Variants in SAMD4A observed in about 807,000 individuals in gnomAD.
The protein encoded by SAMD4A is protein Smaug homolog 1.
A neutral mutation model predicts 81.3 loss-of-function variants in SAMD4A; 33 were observed. That is an observed-to-expected ratio of 0.41 (90% CI 0.31 to 0.54). The LOEUF is 0.54. Ranked by LOEUF, SAMD4A falls within the 20% of genes least tolerant of loss-of-function variation. The pLI, the probability that SAMD4A is intolerant of heterozygous loss-of-function variation, is 0.37. For synonymous variants in SAMD4A, 389 were observed against 382.1 expected, an observed-to-expected ratio of 1.02 and a Z score of -0.21; for missense variants, 854 against 951.1, an observed-to-expected ratio of 0.90 and a Z score of 1.34.
In SAMD4A at chr14:54,572,038, T is replaced by C. The variant is rs1289839074; in HGVS notation, c.196+3926T>C. On this transcript the variant is annotated intron_variant, in intron 2 of 12. Coordinates refer to ENST00000554335, the MANE Select transcript of SAMD4A (RefSeq NM_015589.6). ...TATGGATAAGATCTTGTTTGTAGTT[T>C]TTTCATTCATTTATTCATTCCACAA... is the stretch of plus-strand genomic sequence containing the variant. 5.3e-5 allele frequency among the ~76,000 whole-genome samples: 8 copies of C among 152,242 alleles called. No individual in the cohort carries two copies. The South Asian group carries it at 1.7e-3, about 31-fold the overall frequency.
chr14:54,674,501 G>A (rs2035948842), intron 2 of SAMD4A, among the ~76,000 whole-genome samples: 1 of 152,138 alleles, frequency 6.6e-6, no homozygotes, highest in South Asian at 2.1e-4. Context: ...GGTTTCTACT[G>A]GTGTAGAAAC....
At chr14:54,720,834 C>T (rs563358494) in intron 3 of SAMD4A, among the ~76,000 whole-genome samples, 1 of 152,274 alleles carries the variant, frequency 6.6e-6, no homozygotes, top group Admixed American at 6.5e-5. Context: ...GGTACCTGCT[C>T]TCCAAGTCCT....
At chr14:54,679,221 C>T (rs2036072864) in intron 2 of SAMD4A, among the ~76,000 whole-genome samples, 1 of 151,982 alleles carries the variant, frequency 6.6e-6, no homozygotes, top group Non-Finnish European at 1.5e-5. Flanking sequence ...TGCATTGGAC[C>T]AGGAATATTC....
intron 2 of SAMD4A, among the ~76,000 whole-genome samples, chr14:54,638,157 A>G (rs1594760467): frequency 2.0e-5 from 3 of 152,228 alleles, no homozygotes; most frequent in Non-Finnish European, 1.5e-5. Flanking sequence ...GGGCAAAAGA[A>G]AAGTCTTGTC....
chr14:54,784,773 G>A (rs1173732107), intron 12 of SAMD4A, among the ~76,000 whole-genome samples, 153 bp downstream of exon 12: 3 of 152,140 alleles, frequency 2.0e-5, no homozygotes, highest in Admixed American at 2.0e-4. Context: ...GTGGCCTTAG[G>A]GTACTGTTGG....
intron 10 of SAMD4A, among the ~76,000 whole-genome samples, chr14:54,775,517 C>T (rs1466687556): frequency 1.3e-5 from 2 of 152,212 alleles, no homozygotes; most frequent in Non-Finnish European, 2.9e-5. Flanking sequence ...TCCTTTGTCT[C>T]AGTCCCAGCT....
intron 2 of SAMD4A, among the ~76,000 whole-genome samples, chr14:54,619,488 A>G (rs2140296494): frequency 6.6e-6 from 1 of 152,332 alleles, no homozygotes; most frequent in Non-Finnish European, 1.5e-5. Context: ...CATGTTAAGA[A>G]ATTGGGGAGG....
intron 2 of SAMD4A, among the ~76,000 whole-genome samples, chr14:54,614,980 C>A (rs1281392080): frequency 6.6e-6 from 1 of 152,090 alleles, no homozygotes; most frequent in Non-Finnish European, 1.5e-5. Context: ...GTAGTATGCC[C>A]AGTGTGTGTT....
In SAMD4A at chr14:54,678,596, C is replaced by T. The variant is rs184565568; in HGVS notation, c.197-23466C>T. ...CGGAGTCTCGCTCTTTCGCCCAGGCCGGAGTGCAGCGGCGCGATCACGGCT... is the reference window on the plus strand; with the variant it reads ...CGGAGTCTCGCTCTTTCGCCCAGGCTGGAGTGCAGCGGCGCGATCACGGCT... On this transcript the variant is annotated intron_variant, in intron 2 of 12. Transcript: ENST00000554335. 2.9e-3 allele frequency among the ~76,000 whole-genome samples: 442 copies of T among 150,408 alleles called. 6 individuals carry two copies. In the East Asian group the frequency reaches 0.044, roughly 15 times the overall value.
chr14:54,673,573 C>T (rs922220568), intron 2 of SAMD4A, among the ~76,000 whole-genome samples: 1 of 152,226 alleles, frequency 6.6e-6, no homozygotes, highest in Admixed American at 6.5e-5. Context: ...AGAAGGAACA[C>T]TCTGGAAGTC....
intron 9 of SAMD4A, among the ~76,000 whole-genome samples, chr14:54,772,711 G>A (rs1015789637): frequency 5.9e-5 from 9 of 151,950 alleles, no homozygotes; most frequent in Non-Finnish European, 1.2e-4. Context: ...GTGAGAAAAC[G>A]CTATCCACGC....
intron 2 of SAMD4A, among the ~76,000 whole-genome samples, chr14:54,600,041 A>G (rs980586998): frequency 3.9e-5 from 6 of 152,192 alleles, no homozygotes; most frequent in African/African-American, 1.2e-4. Context: ...GTACCACATC[A>G]TTTCCTACTG....
intron 9 of SAMD4A, 63 bp downstream of exon 9, chr14:54,770,285 C>A: frequency 1.8e-6 from 2 of 1,135,256 alleles, no homozygotes; most frequent in South Asian, 1.3e-5. Flanking sequence ...TTGCCTACCT[C>A]GGTTCCTGGG....
At chr14:54,653,141 C>G (rs1380984198) in intron 2 of SAMD4A, among the ~76,000 whole-genome samples, 1 of 151,792 alleles carries the variant, frequency 6.6e-6, no homozygotes, top group Non-Finnish European at 1.5e-5. Flanking sequence ...ACCTTCTCTT[C>G]CTTGCTGTCA....
chr14:54,780,367 G>A (rs1311719113), intron 11 of SAMD4A, among the ~76,000 whole-genome samples: 4 of 152,152 alleles, frequency 2.6e-5, no homozygotes, highest in African/African-American at 4.8e-5. Context: ...CCATAAGCAC[G>A]CTGCATATAT....
chr14:54,787,983 A>G (rs2039183017), intron 12 of SAMD4A, among the ~76,000 whole-genome samples: 1 of 152,134 alleles, frequency 6.6e-6, no homozygotes, highest in Admixed American at 6.5e-5. Context: ...GGGGCCGGGC[A>G]GGCCTCACAC....
chr14:54,685,278 C>CCG (rs1555343091), intron 2 of SAMD4A, among the ~76,000 whole-genome samples: 1 of 147,354 alleles, frequency 6.8e-6, no homozygotes, highest in African/African-American at 2.5e-5. Flanking sequence ...CTTCCTGCCC[C>CCG]CCCCCCCAGC....
chr14:54,752,798 G>A (rs1473585201), intron 6 of SAMD4A, among the ~76,000 whole-genome samples: 2 of 152,156 alleles, frequency 1.3e-5, no homozygotes, highest in African/African-American at 2.4e-5. Context: ...TACTATCTTC[G>A]TTATTTCAGC....
rs114026233 is a variant in SAMD4A at position 54,704,875 on chromosome 14, A to G, written c.715+2295A>G. 3.3e-3 allele frequency among the ~76,000 whole-genome samples: 503 copies of G among 152,332 alleles called. 3 individuals are homozygous for G. Among genetic ancestry groups the G allele is most frequent in the African/African-American group, 0.012 (488 of 41,576 alleles). On this transcript the variant is annotated intron_variant, in intron 3 of 12. Coordinates refer to ENST00000554335, the MANE Select transcript of SAMD4A (RefSeq NM_015589.6). ...CTATGGTGGTTCAATTGTGTGAGTC[A>G]AAACTCCAAGCCTTTGGGTCACTTG...
Sources: gnomAD v4.1 joint callset for allele counts (sites outside exome capture counted in the v4.1 genomes callset) on GRCh38, gnomAD v4.1.1 for gene constraint, MANE v1.5 for transcripts, NCBI Gene and HGNC (gene_info 2026-07-23, HGNC 2026-07-21) for gene names.